SNX29: variants seen among roughly 807,000 people sequenced by gnomAD.
The protein encoded by SNX29 is sorting nexin 29, also known as sorting nexin-29.
SNX29 carries 78 observed loss-of-function variants against 102.1 expected under a neutral mutation model. That is an observed-to-expected ratio of 0.76 (90% CI 0.64 to 0.92). The LOEUF is 0.92. Ranked by LOEUF, SNX29 falls within the 40% of genes least tolerant of loss-of-function variation. The pLI, the probability that SNX29 is intolerant of heterozygous loss-of-function variation, is 0.00. For synonymous variants in SNX29, 580 were observed against 414.5 expected (o/e 1.40, Z -4.85); for missense variants, 1,280 against 1,061.7 (o/e 1.21, Z -2.86).
chr16:12,135,043 C>T (rs766918030), intron 13 of SNX29, among the ~76,000 whole-genome samples: 7 of 152,088 alleles, frequency 4.6e-5, no homozygotes, highest in East Asian at 1.9e-4. Flanking sequence ...CCAGGAGTGC[C>T]GAGGGCAGGG....
intron 13 of SNX29, among the ~76,000 whole-genome samples, chr16:12,139,084 C>G (rs1039631594): frequency 6.0e-5 from 9 of 150,568 alleles, no homozygotes; most frequent in African/African-American, 2.2e-4. Flanking sequence ...TACCTGTAAT[C>G]CCAGCTACTC....
intron 8 of SNX29, among the ~76,000 whole-genome samples, chr16:12,060,103 C>T (rs868440046): frequency 1.9e-4 from 29 of 151,958 alleles, no homozygotes; most frequent in South Asian, 1.9e-3. Context: ...CCGTGAGTTC[C>T]GCATCTATGG....
At chr16:12,265,439 G>A (rs1029067214) in intron 14 of SNX29, among the ~76,000 whole-genome samples, 2 of 152,168 alleles carry the variant, frequency 1.3e-5, no homozygotes, top group African/African-American at 2.4e-5. Flanking sequence ...TCTCTTGGAA[G>A]CGAGACGCAG....
At chr16:12,555,556 AGCAC>A (rs2141399018) in intron 20 of SNX29, among the ~76,000 whole-genome samples, 1 of 150,056 alleles carries the variant, frequency 6.7e-6, no homozygotes, top group Non-Finnish European at 1.5e-5. Flanking sequence ...CGTGGGTTTG[AGCAC>A]CCTCATCTCT....
At chr16:12,477,077 G>A (rs1428342951) in intron 18 of SNX29, among the ~76,000 whole-genome samples, 1 of 152,174 alleles carries the variant, frequency 6.6e-6, no homozygotes, top group Non-Finnish European at 1.5e-5. Flanking sequence ...AAAAGCTGAT[G>A]AAACAGCCCT....
chr16:12,540,169 A>ATTTTGAGTGGACT (rs1398198993), intron 20 of SNX29, among the ~76,000 whole-genome samples: 1 of 152,082 alleles, frequency 6.6e-6, no homozygotes, highest in Non-Finnish European at 1.5e-5. Context: ...TCTGCGATTC[A>ATTTTGAGTGGACT]TTTTGAGTGG....
rs941147572 is a variant in SNX29, at chr16:12,056,782, C to T, written c.1124+4560C>T. Among the ~76,000 whole-genome samples, 14 of 152,154 alleles carry T rather than the reference C, an allele frequency of 9.2e-5. No individual in the cohort carries two copies. In the South Asian group the frequency reaches 1.0e-3, roughly 11 times the overall value. On this transcript the variant is annotated intron_variant, in intron 8 of 20. Coordinates refer to ENST00000566228, the MANE Select transcript of SNX29 (RefSeq NM_032167.5). Reference sequence around the variant, plus strand: ...TTTACAAGGGATAGTATTTTTATTACGGTCAGGTTTTGTTCTTTTGTTCTT... The same window carrying T: ...TTTACAAGGGATAGTATTTTTATTATGGTCAGGTTTTGTTCTTTTGTTCTT...
At chr16:12,258,461 C>T (rs1596655360) in intron 14 of SNX29, among the ~76,000 whole-genome samples, 1 of 152,162 alleles carries the variant, frequency 6.6e-6, no homozygotes, top group South Asian at 2.1e-4. Context: ...TCCATGTCTG[C>T]AGGAGCTCTC....
At chr16:12,250,391 G>T (rs751537545) in intron 14 of SNX29, among the ~76,000 whole-genome samples, 2 of 152,168 alleles carry the variant, frequency 1.3e-5, no homozygotes, top group African/African-American at 2.4e-5. Flanking sequence ...GGTGGGAGCC[G>T]GGCAGAGGGC....
intron 20 of SNX29, among the ~76,000 whole-genome samples, chr16:12,548,128 G>A (rs142449834): frequency 1.1e-4 from 16 of 152,306 alleles, no homozygotes; most frequent in Admixed American, 7.8e-4. Flanking sequence ...GGACAAGTAG[G>A]AATTTTCTAT....
chr16:12,533,623 C>G (rs6498318), intron 20 of SNX29, among the ~76,000 whole-genome samples: 1 of 151,916 alleles, frequency 6.6e-6, no homozygotes, highest in African/African-American at 2.4e-5. Context: ...CCTGGACTGA[C>G]ACCCCAAATT....
chr16:12,147,584 G>A (rs11640920), intron 13 of SNX29, among the ~76,000 whole-genome samples: 29,890 of 152,114 alleles, frequency 0.2, 3,391 homozygotes, highest in Middle Eastern at 0.28. Flanking sequence ...AGTAAATGCT[G>A]GTGTTTGAGT....
chr16:12,500,492 C>G (rs752691883), intron 19 of SNX29, among the ~76,000 whole-genome samples: 25 of 152,220 alleles, frequency 1.6e-4, no homozygotes, highest in Non-Finnish European at 2.9e-4. Context: ...TGCTGTCAAC[C>G]CCATGCCGTT....
intron 19 of SNX29, among the ~76,000 whole-genome samples, chr16:12,481,449 TATATAC>T (rs2087909462): frequency 1.9e-5 from 2 of 103,456 alleles, no homozygotes; most frequent in African/African-American, 9.0e-5. Flanking sequence ...TACACACACA[TATATAC>T]ATATATATAT....
At position 12,570,064 on chromosome 16, in the gene SNX29, A is replaced by G; in HGVS notation, c.*1435A>G. 9.5e-6 allele frequency: 6 copies of G among 631,632 alleles called. No homozygotes were observed. The highest frequency in any genetic ancestry group is 1.2e-5 in the Non-Finnish European group (6 of 483,548). 39.1% of individuals were successfully genotyped at this position (631,632 alleles called of 1,614,324 possible). A position where few individuals can be genotyped will look rare whatever the true frequency, so the allele number is the denominator to read the frequency against. ...CTAGGCTCGAGGACATCTCTGGAGA[A>G]TCATCTGGAAGGTTTATACTGTGCC... On this transcript the variant is annotated 3_prime_UTR_variant, in exon 21 of 21. Transcript: ENST00000566228.
At chr16:12,519,107 G>C (rs2089992653) in intron 19 of SNX29, among the ~76,000 whole-genome samples, 1 of 152,130 alleles carries the variant, frequency 6.6e-6, no homozygotes, top group Non-Finnish European at 1.5e-5. Context: ...CTACCCACTG[G>C]CAGGGCTGCT....
intron 13 of SNX29, among the ~76,000 whole-genome samples, chr16:12,169,272 G>T (rs1281510401): frequency 1.3e-5 from 2 of 152,196 alleles, no homozygotes; most frequent in African/African-American, 4.8e-5. Context: ...TCTAGGGAGG[G>T]TGCCCTGTAG....
chr16:12,477,659 A>G, intron 18 of SNX29, 60 bp from the exon 19 acceptor site: 1 of 1,588,972 alleles, frequency 6.3e-7, no homozygotes, highest in Non-Finnish European at 8.5e-7. Flanking sequence ...AGCATAGCCG[A>G]AATCCTACTC....
chr16:12,105,328 G>A (rs368296466), intron 11 of SNX29, among the ~76,000 whole-genome samples: 16 of 150,672 alleles, frequency 1.1e-4, no homozygotes, highest in Non-Finnish European at 1.8e-4. Context: ...GGGTTCAAGC[G>A]ATTCTTGTGC....
Sources: allele counts gnomAD v4.1 joint callset (sites outside exome capture counted in the v4.1 genomes callset), GRCh38; gene constraint gnomAD v4.1.1; transcripts MANE v1.5; gene names NCBI Gene and HGNC (gene_info 2026-07-23, HGNC 2026-07-21).